MARCHF1: variants seen among roughly 807,000 people sequenced by gnomAD.
MARCHF1 encodes the protein membrane associated ring-CH-type finger 1, also known as E3 ubiquitin-protein ligase MARCHF1.
MARCHF1 carries 40 observed loss-of-function variants against 54.2 expected under a neutral mutation model. The ratio of observed to expected loss-of-function variants is 0.74; its 90% CI spans 0.57 to 0.96. MARCHF1 has a LOEUF of 0.96. Ranked by LOEUF, MARCHF1 falls within the 40% of genes least tolerant of loss-of-function variation. The probability of loss-of-function intolerance (pLI) is 0.00; values close to 1 mark genes in which losing one functional copy is unlikely to be tolerated. For missense variants in MARCHF1, 586 were observed against 656.5 expected (o/e 0.89, Z 1.17); for synonymous variants, 236 against 236.3 (o/e 1.00, Z 0.01).
chr4:164,218,195 G>A (rs1731986184), intron 1 of MARCHF1, among the ~76,000 whole-genome samples: 3 of 152,044 alleles, frequency 2.0e-5, no homozygotes, highest in Admixed American at 2.0e-4. Context: ...TTATAGAGAA[G>A]TATCAGGAGG....
chr4:164,168,856 CT>C (rs1235472320), intron 1 of MARCHF1, among the ~76,000 whole-genome samples: 1 of 151,940 alleles, frequency 6.6e-6, no homozygotes, highest in Non-Finnish European at 1.5e-5. Context: ...ATTATGACAT[CT>C]TTTTTATGTT....
intron 1 of MARCHF1, among the ~76,000 whole-genome samples, chr4:164,208,819 G>A (rs1731683145): frequency 1.3e-5 from 2 of 152,014 alleles, no homozygotes. Flanking sequence ...GTGGTGGCGT[G>A]AGCCTGTAAG....
intron 4 of MARCHF1, among the ~76,000 whole-genome samples, chr4:163,763,847 T>C (rs1746900554): frequency 6.6e-6 from 1 of 152,048 alleles, no homozygotes; most frequent in African/African-American, 2.4e-5. Context: ...AGTAAATAGG[T>C]AAATTAAATC....
intron 9 of MARCHF1, among the ~76,000 whole-genome samples, chr4:163,537,096 C>G (rs1738561446): frequency 6.6e-6 from 1 of 151,784 alleles, no homozygotes; most frequent in African/African-American, 2.4e-5. Context: ...AATAAGTGGA[C>G]ACGATTTTTT....
At chr4:164,084,629 G>A (rs541133177) in intron 2 of MARCHF1, among the ~76,000 whole-genome samples, 2 of 151,936 alleles carry the variant, frequency 1.3e-5, no homozygotes, top group Non-Finnish European at 1.5e-5. Flanking sequence ...GACTCCCAAT[G>A]TAAAGTAAAT....
intron 1 of MARCHF1, among the ~76,000 whole-genome samples, chr4:164,270,670 C>A (rs940770825): frequency 2.6e-5 from 4 of 152,184 alleles, no homozygotes; most frequent in Admixed American, 6.5e-5. Context: ...ATCACCACCA[C>A]AATAATGGCA....
At chr4:164,132,125 G>A (rs1218236853) in intron 1 of MARCHF1, among the ~76,000 whole-genome samples, 4 of 152,208 alleles carry the variant, frequency 2.6e-5, no homozygotes, top group South Asian at 4.1e-4. Context: ...CACTTCAAGA[G>A]AGACAAATTA....
chr4:163,897,020 G>T (rs926109753), intron 3 of MARCHF1, among the ~76,000 whole-genome samples: 1 of 151,958 alleles, frequency 6.6e-6, no homozygotes, highest in African/African-American at 2.4e-5. Flanking sequence ...TCTACTACTC[G>T]TGAATAATTA....
chr4:163,922,964 A>G lies in MARCHF1; in HGVS notation c.-39+65537T>C, dbSNP rs145082273. ...ATCAAAAGAAAATTTTATCCTAAGC[A>G]AAGCTATAGAGATAGAGAAAAAATT... On this transcript the variant is annotated intron_variant, in intron 3 of 9. Coordinates refer to ENST00000514618, the MANE Select transcript of MARCHF1 (RefSeq NM_001394959.1). Among the ~76,000 whole-genome samples, 900 of 152,310 alleles carry G rather than the reference A, an allele frequency of 5.9e-3. 5 individuals are homozygous for G. The highest frequency in any genetic ancestry group is 8.9e-3 in the East Asian group (46 of 5,188).
At chr4:163,598,473 C>T (rs1162190968) in intron 7 of MARCHF1, among the ~76,000 whole-genome samples, 1 of 152,194 alleles carries the variant, frequency 6.6e-6, no homozygotes, top group African/African-American at 2.4e-5. Flanking sequence ...CATACACAAG[C>T]CTGATGGTGT....
intron 1 of MARCHF1, among the ~76,000 whole-genome samples, chr4:164,274,614 A>AATTTATG (rs1733824214): frequency 7.0e-6 from 1 of 143,846 alleles, no homozygotes; most frequent in African/African-American, 2.6e-5. Context: ...ATTTGGCCGG[A>AATTTATG]ATTTATGAAC....
At chr4:163,871,222 A>T (rs1282681606) in intron 3 of MARCHF1, among the ~76,000 whole-genome samples, 1 of 152,192 alleles carries the variant, frequency 6.6e-6, no homozygotes, top group Admixed American at 6.5e-5. Context: ...TATGTGAGAG[A>T]CAGAGAAGGT....
intron 4 of MARCHF1, among the ~76,000 whole-genome samples, chr4:163,781,213 TG>T (rs986454579): frequency 5.9e-4 from 90 of 152,226 alleles, no homozygotes; most frequent in African/African-American, 2.0e-3. Flanking sequence ...TAGCCAGGCG[TG>T]GTGGCAGATG....
At chr4:163,971,782 T>A (rs777717766) in intron 3 of MARCHF1, among the ~76,000 whole-genome samples, 1 of 152,218 alleles carries the variant, frequency 6.6e-6, no homozygotes, top group Non-Finnish European at 1.5e-5. Context: ...GAGCTGCTAA[T>A]GTTTAAAGGC....
chr4:163,659,033 A>G (rs1743252453), intron 5 of MARCHF1, among the ~76,000 whole-genome samples: 1 of 152,022 alleles, frequency 6.6e-6, no homozygotes, highest in South Asian at 2.1e-4. Context: ...TCTTTTCATA[A>G]TAGTATGCTG....
chr4:163,999,592 A>G (rs1753146274), intron 2 of MARCHF1, among the ~76,000 whole-genome samples: 1 of 151,290 alleles, frequency 6.6e-6, no homozygotes, highest in South Asian at 2.1e-4. Flanking sequence ...ACCTCACATC[A>G]AAACTGTAGT....
intron 3 of MARCHF1, among the ~76,000 whole-genome samples, chr4:163,921,483 G>A (rs1751429191): frequency 6.6e-6 from 1 of 152,072 alleles, no homozygotes; most frequent in Non-Finnish European, 1.5e-5. Flanking sequence ...AATTATTGTG[G>A]ACTTTGGTGT....
At chr4:163,898,715 A>G (rs2111299131) in intron 3 of MARCHF1, among the ~76,000 whole-genome samples, 1 of 152,320 alleles carries the variant, frequency 6.6e-6, no homozygotes, top group South Asian at 2.1e-4. Flanking sequence ...AAATCATTAC[A>G]TAAAAAAGAC....
chr4:163,550,101 G>C (rs538470601), intron 8 of MARCHF1, among the ~76,000 whole-genome samples: 130 of 152,164 alleles, frequency 8.5e-4, no homozygotes, highest in Admixed American at 1.5e-3. Flanking sequence ...TGGGCAACAC[G>C]GTGAAACCCC....
Sources: gnomAD v4.1 joint callset for allele counts (sites outside exome capture counted in the v4.1 genomes callset) on GRCh38, gnomAD v4.1.1 for gene constraint, MANE v1.5 for transcripts, NCBI Gene and HGNC (gene_info 2026-07-23, HGNC 2026-07-21) for gene names.